The following TYR variants were observed in gnomAD, a reference collection of about 807,000 sequenced individuals.
TYR encodes tyrosinase, also known as LB24-AB.
Under a neutral mutation model 51.5 loss-of-function variants are expected in TYR, and 58 were observed. That is an observed-to-expected ratio of 1.13 (90% CI 0.91 to 1.40). TYR has a LOEUF of 1.40. Among genes scored for constraint, TYR ranks in the 40% most tolerant of loss-of-function variants. TYR has a pLI of 0.00. For synonymous variants in TYR, 263 were observed against 235.2 expected (o/e 1.12, Z -1.08); for missense variants, 732 against 647.4 (o/e 1.13, Z -1.42).
chr11:89,178,864 A>C, intron 1 of TYR, 92 bp downstream of exon 1: 4 of 1,283,170 alleles, frequency 3.1e-6, no homozygotes, highest in Non-Finnish European at 4.5e-6. Context: ...CTGAACACTC[A>C]TTGCAGCCCC....
At chr11:89,240,930 AAAAC>A (rs1944185068) in intron 3 of TYR, among the ~76,000 whole-genome samples, 1 of 152,206 alleles carries the variant, frequency 6.6e-6, no homozygotes, top group Non-Finnish European at 1.5e-5. Flanking sequence ...CAGGTTTGTA[AAAAC>A]AAACAAACAA....
chr11:89,262,577 A>G (rs2135308135), intron 3 of TYR, among the ~76,000 whole-genome samples: 1 of 151,330 alleles, frequency 6.6e-6, no homozygotes, highest in East Asian at 2.0e-4. Context: ...AAGATCAACA[A>G]AAATGACAAA....
intron 2 of TYR, among the ~76,000 whole-genome samples, chr11:89,208,225 G>A (rs186469042): frequency 7.9e-5 from 12 of 152,052 alleles, no homozygotes; most frequent in East Asian, 3.9e-4. Context: ...AGTGGAGATC[G>A]CGCCATGGCA....
At chr11:89,202,737 T>C (rs1356117479) in intron 2 of TYR, among the ~76,000 whole-genome samples, 1 of 152,120 alleles carries the variant, frequency 6.6e-6, no homozygotes, top group African/African-American at 2.4e-5. Context: ...CTCTGCTCTA[T>C]AGCTGGTTAC....
At chr11:89,223,436 T>C (rs1565403516) in intron 2 of TYR, among the ~76,000 whole-genome samples, 1 of 152,178 alleles carries the variant, frequency 6.6e-6, no homozygotes, top group Non-Finnish European at 1.5e-5. Context: ...ATAAACTCTA[T>C]GAAAAGATAA....
chr11:89,294,592 T>C (rs1944886022), intron 4 of TYR, among the ~76,000 whole-genome samples: 1 of 152,188 alleles, frequency 6.6e-6, no homozygotes, highest in East Asian at 1.9e-4. Flanking sequence ...CCCGAAGCCT[T>C]AGGACAGAGG....
At chr11:89,189,697 T>C (rs977269351) in intron 1 of TYR, among the ~76,000 whole-genome samples, 1 of 152,144 alleles carries the variant, frequency 6.6e-6, no homozygotes, top group African/African-American at 2.4e-5. Flanking sequence ...TTAATAAATA[T>C]TTTATTTTCT....
At chr11:89,262,870 A>AC (rs1364832883) in intron 3 of TYR, among the ~76,000 whole-genome samples, 26 of 140,700 alleles carry the variant, frequency 1.8e-4, no homozygotes, top group Admixed American at 3.6e-4. Flanking sequence ...AAAAAAAAAA[A>AC]AACAACAACA....
intron 3 of TYR, among the ~76,000 whole-genome samples, chr11:89,273,478 C>T (rs765839607): frequency 6.6e-6 from 1 of 151,730 alleles, no homozygotes; most frequent in Non-Finnish European, 1.5e-5. Context: ...AAAACAATTA[C>T]AAGAGTGACA....
chr11:89,245,449 A>C (rs1033958374), intron 3 of TYR, among the ~76,000 whole-genome samples: 1 of 152,224 alleles, frequency 6.6e-6, no homozygotes, highest in Non-Finnish European at 1.5e-5. Context: ...GGATATAGAC[A>C]AAGAAAGTAT....
rs750566431 is a variant in TYR at position 89,227,929 on chromosome 11, C to A, written c.1143C>A (p.Ala381=). The A allele has an allele frequency of 3.7e-6, 6 of 1,613,530 alleles. No individual in the cohort carries two copies. Among genetic ancestry groups the A allele is most frequent in the Non-Finnish European group, 5.1e-6 (6 of 1,179,700 alleles). ...NGTMSQVQGS[A]NDPIFLLHHA... Reference sequence around the variant, plus strand: ...CAATGTCCCAGGTACAGGGATCTGCCAACGATCCTATCTTCCTTCTTCACC... The same window carrying A: ...CAATGTCCCAGGTACAGGGATCTGCAAACGATCCTATCTTCCTTCTTCACC... The change falls in exon 3 of 5, where the codon GCC becomes GCA. Residue 381 remains alanine, a synonymous_variant. Transcript: ENST00000263321.
chr11:89,182,668 C>A (rs1421702821), intron 1 of TYR, among the ~76,000 whole-genome samples: 2 of 151,888 alleles, frequency 1.3e-5, no homozygotes, highest in African/African-American at 2.4e-5. Flanking sequence ...ATTTAACTCC[C>A]AAAGCTTTAA....
intron 3 of TYR, among the ~76,000 whole-genome samples, chr11:89,275,966 A>G (rs965069006): frequency 5.3e-5 from 8 of 152,024 alleles, no homozygotes; most frequent in Non-Finnish European, 1.0e-4. Flanking sequence ...TGATTTAACA[A>G]TATATTAAGA....
chr11:89,222,246 T>G (rs1943921112), intron 2 of TYR, among the ~76,000 whole-genome samples: 1 of 152,208 alleles, frequency 6.6e-6, no homozygotes, highest in Admixed American at 6.5e-5. Context: ...CTTAATTCAG[T>G]GCAGTGCAAC....
intron 2 of TYR, among the ~76,000 whole-genome samples, chr11:89,214,458 G>T (rs1487804284): frequency 6.6e-6 from 1 of 152,176 alleles, no homozygotes; most frequent in East Asian, 1.9e-4. Flanking sequence ...TTCAACCATT[G>T]TGGAAGAGAG....
chr11:89,280,224 C>G (rs1421004088), intron 3 of TYR, among the ~76,000 whole-genome samples: 3 of 151,670 alleles, frequency 2.0e-5, no homozygotes, highest in African/African-American at 7.3e-5. Context: ...TCGAGGAACC[C>G]CAGTTCCCTT....
At position 89,223,908 on chromosome 11, in the gene TYR, G is replaced by GTTTTT. The variant is rs66544506; in HGVS notation, c.1037-3906_1037-3902dup. 1.0e-3 allele frequency among the ~76,000 whole-genome samples: 145 copies of GTTTTT among 143,126 alleles called. 1 individual carries two copies. The highest frequency in any genetic ancestry group is 3.4e-3 in the African/African-American group (134 of 39,330). 93.9% of individuals were successfully genotyped at this position (143,126 alleles called of 152,430 possible). The stretch of plus-strand genomic sequence containing the variant: ...AATTCCTTGTGCTTTTTCTTTAGCT[G>GTTTTT]TTTTTTTTTTTTTCTTAATAATATT... On this transcript the variant is annotated intron_variant, in intron 2 of 4. Transcript: ENST00000263321.
At chr11:89,181,894 G>A (rs1038360307) in intron 1 of TYR, among the ~76,000 whole-genome samples, 3 of 152,120 alleles carry the variant, frequency 2.0e-5, no homozygotes, top group African/African-American at 7.2e-5. Context: ...TAATTTCTGG[G>A]TGTATAATTT....
At chr11:89,266,579 A>C (rs531466720) in intron 3 of TYR, among the ~76,000 whole-genome samples, 9 of 152,034 alleles carry the variant, frequency 5.9e-5, no homozygotes, top group African/African-American at 2.2e-4. Context: ...AATTCTTTCT[A>C]TGCACCATTT....
Sources: gnomAD v4.1 joint callset for allele counts (sites outside exome capture counted in the v4.1 genomes callset) on GRCh38, gnomAD v4.1.1 for gene constraint, MANE v1.5 for transcripts, NCBI Gene and HGNC (gene_info 2026-07-23, HGNC 2026-07-21) for gene names.